Variants in CORIN observed in about 807,000 individuals in gnomAD.
CORIN encodes the protein atrial natriuretic peptide-converting enzyme.
CORIN carries 117 observed loss-of-function variants against 125.3 expected under a neutral mutation model. That is an observed-to-expected ratio of 0.93 (90% CI 0.80 to 1.09). The LOEUF (loss-of-function observed/expected upper bound fraction) is 1.09, where lower values mean the gene tolerates loss of function less well. Among genes scored for constraint, CORIN ranks in the 50% least tolerant of loss-of-function variants. CORIN has a pLI of 0.00. For synonymous variants in CORIN, 450 were observed against 466.4 expected, an observed-to-expected ratio of 0.96 and a Z score of 0.45; for missense variants, 1,253 against 1,306.7, an observed-to-expected ratio of 0.96 and a Z score of 0.63.
At chr4:47,738,454 T>C (rs1007990637) in intron 5 of CORIN, among the ~76,000 whole-genome samples, 7 of 152,208 alleles carry the variant, frequency 4.6e-5, no homozygotes, top group Non-Finnish European at 8.8e-5. Flanking sequence ...TAGGCTGCTA[T>C]CTGGGCAAAA....
intron 16 of CORIN, among the ~76,000 whole-genome samples, chr4:47,641,719 T>C (rs1723236472): frequency 6.6e-6 from 1 of 152,212 alleles, no homozygotes; most frequent in Non-Finnish European, 1.5e-5. Flanking sequence ...AGAGGCTTCA[T>C]CAAAGTACAT....
chr4:47,757,700 A>T (rs1164830609), intron 4 of CORIN, among the ~76,000 whole-genome samples: 1 of 151,668 alleles, frequency 6.6e-6, no homozygotes, highest in Non-Finnish European at 1.5e-5. Flanking sequence ...AAATAGAAGT[A>T]AAAAATTACC....
At chr4:47,678,819 G>A (rs1725136359) in intron 8 of CORIN, among the ~76,000 whole-genome samples, 1 of 147,642 alleles carries the variant, frequency 6.8e-6, no homozygotes, top group Admixed American at 6.9e-5. Context: ...CTCCACACCA[G>A]AAGTGTTCTA....
At chr4:47,707,132 T>C (rs1726608087) in intron 5 of CORIN, 1 of 1,380,314 alleles carries the variant, frequency 7.2e-7, no homozygotes, top group Admixed American at 2.9e-5. Flanking sequence ...TGCAATAATG[T>C]TTGAAGACAA....
intron 19 of CORIN, among the ~76,000 whole-genome samples, chr4:47,612,284 C>T (rs1222006216): frequency 1.3e-5 from 2 of 152,154 alleles, no homozygotes; most frequent in African/African-American, 2.4e-5. Context: ...CCTGCCCATC[C>T]TGAGGGCCAT....
intron 5 of CORIN, among the ~76,000 whole-genome samples, chr4:47,696,170 T>C (rs1725989382): frequency 6.6e-6 from 1 of 152,222 alleles, no homozygotes; most frequent in Admixed American, 6.5e-5. Flanking sequence ...AGAGCTCTTA[T>C]CAGGTTTCTG....
chr4:47,834,662 A>G (rs1460898702), intron 1 of CORIN, among the ~76,000 whole-genome samples: 2 of 152,208 alleles, frequency 1.3e-5, no homozygotes, highest in Non-Finnish European at 2.9e-5. Context: ...ACTTTTGAAG[A>G]TGATGGATAG....
At chr4:47,826,588 C>T (rs926097488) in intron 1 of CORIN, among the ~76,000 whole-genome samples, 1 of 152,210 alleles carries the variant, frequency 6.6e-6, no homozygotes, top group African/African-American at 2.4e-5. Flanking sequence ...TCCACCATCA[C>T]TAATTGTCAC....
chr4:47,656,194 C>T (rs1313608366), intron 12 of CORIN, among the ~76,000 whole-genome samples: 1 of 138,944 alleles, frequency 7.2e-6, no homozygotes, highest in African/African-American at 2.7e-5. Context: ...TCTCCCTTGT[C>T]GCCCAGGCTG....
chr4:47,649,943 T>C (rs1242128356), intron 13 of CORIN, among the ~76,000 whole-genome samples: 2 of 152,192 alleles, frequency 1.3e-5, no homozygotes, highest in African/African-American at 4.8e-5. Context: ...CACAAAAGCA[T>C]AGAGACTGGT....
chr4:47,680,217 G>A lies in CORIN; in HGVS notation c.1056C>T (p.Asp352=), dbSNP rs574925971. 68 of 1,613,958 alleles carry A rather than the reference G, an allele frequency of 4.2e-5. No individual in the cohort carries two copies. The highest frequency in any genetic ancestry group is 2.8e-4 in the Admixed American group (17 of 60,018). Residue 352 remains aspartate, a synonymous_variant, in exon 8 of 22, where the codon GAC becomes GAT. Coordinates refer to ENST00000273857, the MANE Select transcript of CORIN (RefSeq NM_006587.4). ...CCCACTCCATGGCGATGCAGCGCCC[G>A]TCCCCGCAGCGATGCTCTGTTGTGG... The part of the protein sequence containing the change: ...CNPTTEHRCG[D]GRCIAMEWVC...
intron 19 of CORIN, among the ~76,000 whole-genome samples, chr4:47,605,183 C>T (rs1394969852): frequency 2.0e-5 from 3 of 152,166 alleles, no homozygotes; most frequent in Admixed American, 6.5e-5. Flanking sequence ...CTACTTGACA[C>T]TGCTTTACTT....
intron 3 of CORIN, among the ~76,000 whole-genome samples, chr4:47,771,219 A>G (rs1164648635): frequency 4.6e-5 from 7 of 152,134 alleles, no homozygotes; most frequent in Admixed American, 1.3e-4. Flanking sequence ...TGTACCAGGA[A>G]GTCAACTCAG....
chr4:47,763,366 G>C lies in CORIN; in HGVS notation c.617+13C>G. 1 of 1,604,002 alleles carries C rather than the reference G, an allele frequency of 6.2e-7. No homozygotes were observed. The highest frequency in any genetic ancestry group is 8.5e-7 in the Non-Finnish European group (1 of 1,172,646). ...CCAACTCTTATCACTGAATAATCTG[G>C]GTTCCGAAATACCTGTCATCGCCAT... On this transcript the variant is annotated intron_variant, in intron 4 of 21. Coordinates refer to ENST00000273857, the MANE Select transcript of CORIN (RefSeq NM_006587.4).
chr4:47,742,141 GA>G (rs1728433396), intron 5 of CORIN, among the ~76,000 whole-genome samples: 2 of 151,670 alleles, frequency 1.3e-5, no homozygotes, highest in South Asian at 2.1e-4. Flanking sequence ...AATAGATATA[GA>G]AAAAAATAAT....
chr4:47,807,890 C>T (rs969495768), intron 1 of CORIN, among the ~76,000 whole-genome samples: 13 of 152,180 alleles, frequency 8.5e-5, no homozygotes, highest in African/African-American at 2.7e-4. Context: ...CTCCGAGTCT[C>T]CTTAATGAAG....
chr4:47,822,732 A>G (rs1343327254), intron 1 of CORIN, among the ~76,000 whole-genome samples: 2 of 152,024 alleles, frequency 1.3e-5, no homozygotes, highest in African/African-American at 2.4e-5. Context: ...TACTGTTGGG[A>G]TGGGTCAAGC....
chr4:47,684,204 T>G (rs1386195814), intron 6 of CORIN, among the ~76,000 whole-genome samples: 1 of 152,212 alleles, frequency 6.6e-6, no homozygotes, highest in East Asian at 1.9e-4. Flanking sequence ...TTCTTTAGAG[T>G]TGAAGTCTAG....
rs374976508 is a variant in CORIN, at chr4:47,661,822, A to T, written c.1624T>A (p.Ser542Thr). The T allele has an allele frequency of 6.1e-5, 99 of 1,612,952 alleles. No individual in the cohort carries two copies. The highest frequency in any genetic ancestry group is 1.6e-4 in the Middle Eastern group (1 of 6,082). Residue 542 changes from serine (S) to threonine (T), a missense_variant, in exon 12 of 22, where the codon TCT becomes ACT. Transcript: ENST00000273857. ...LCEHSKERCE[S>T]VLGIVGLQWP... is the part of the protein sequence containing the mutation. ...TGTAGGCCCACAATCCCAAGAACAG[A>T]CTCACAGCGTTCTTTAGAGTGTTCA...
Sources: allele counts gnomAD v4.1 joint callset (sites outside exome capture counted in the v4.1 genomes callset), GRCh38; gene constraint gnomAD v4.1.1; transcripts MANE v1.5; gene names NCBI Gene and HGNC (gene_info 2026-07-23, HGNC 2026-07-21).